Variants in SPAG17 observed in about 807,000 individuals in gnomAD.
SPAG17 encodes sperm associated antigen 17, also known as sperm-associated antigen 17.
In SPAG17, 169 loss-of-function variants were observed where a neutral mutation model predicts 273.6. That is an observed-to-expected ratio of 0.62 (90% CI 0.55 to 0.70). The LOEUF (loss-of-function observed/expected upper bound fraction) is 0.70. SPAG17 is among the 30% of genes least tolerant of loss of function. The pLI is 0.00. For synonymous variants in SPAG17, 825 were observed against 873.2 expected (o/e 0.94, Z 0.97); for missense variants, 2,557 against 2,627.8 (o/e 0.97, Z 0.59).
intron 3 of SPAG17, among the ~76,000 whole-genome samples, chr1:118,134,054 G>A (rs1443210287): frequency 6.6e-6 from 1 of 152,212 alleles, no homozygotes; most frequent in African/African-American, 2.4e-5. Context: ...CTATCAGAAG[G>A]ACTGTAAATT....
chr1:118,151,133 A>G (rs1659353653), intron 2 of SPAG17, 96 bp downstream of exon 2: 1 of 1,101,164 alleles, frequency 9.1e-7, no homozygotes. Context: ...AATTTACAAA[A>G]CAGCCCAAGA....
chr1:118,032,233 G>A (rs530656460), intron 24 of SPAG17, among the ~76,000 whole-genome samples: 227 of 152,038 alleles, frequency 1.5e-3, no homozygotes, highest in African/African-American at 5.1e-3. Flanking sequence ...AGAAAATAAT[G>A]AAAAAAATGT....
In SPAG17 at chr1:118,115,300, C is replaced by T. The variant is rs948223764; in HGVS notation, c.447+10G>A. 14 of 1,611,576 alleles carry T rather than the reference C, an allele frequency of 8.7e-6. No homozygotes were observed. In the East Asian group the frequency reaches 1.3e-4, roughly 15 times the overall value. ...GCCCTCTTTAGAAAACCCACCAGAT[C>T]GTACAGTACCTTCTTTTCATTTTCC... On this transcript the variant is annotated intron_variant, in intron 4 of 48. Coordinates refer to ENST00000336338, the MANE Select transcript of SPAG17 (RefSeq NM_206996.4).
intron 32 of SPAG17, among the ~76,000 whole-genome samples, chr1:118,000,476 G>A (rs999015783): frequency 3.5e-4 from 53 of 152,184 alleles, no homozygotes; most frequent in Non-Finnish European, 5.9e-4. Flanking sequence ...TCTTCCATTT[G>A]TTTATGTCCT....
rs759544786 is a variant in SPAG17 at position 117,988,121 on chromosome 1, A to C, written c.5605T>G (p.Phe1869Val). 8.7e-6 allele frequency: 14 copies of C among 1,605,736 alleles called. No homozygotes were observed. Among genetic ancestry groups the C allele is most frequent in the Non-Finnish European group, 1.1e-5 (13 of 1,177,264 alleles). ...CPPDTFGKDFFEKTWRHTASS... is the reference protein window; with the variant it reads ...CPPDTFGKDFVEKTWRHTASS... ...TTAGCTTACCTCCATGTCTTTTCAA[A>C]GAAATCTTTACCAAATGTGTCTGGT... The change falls in exon 39 of 49, where the codon TTT (phenylalanine) becomes GTT (valine). Residue 1869 changes from phenylalanine (F) to valine (V), a missense_variant. By Grantham distance (50) the Phe-to-Val change is conservative. Transcript: ENST00000336338.
intron 1 of SPAG17, among the ~76,000 whole-genome samples, chr1:118,153,461 A>G (rs941843079): frequency 6.6e-6 from 1 of 152,250 alleles, no homozygotes; most frequent in Non-Finnish European, 1.5e-5. Context: ...TCTTTCCATA[A>G]TCCTTAAATT....
intron 16 of SPAG17, 40 bp downstream of exon 16, chr1:118,074,499 T>A: frequency 6.5e-7 from 1 of 1,530,766 alleles, no homozygotes; most frequent in Non-Finnish European, 9.1e-7. Context: ...TTTTCTCAGA[T>A]CATCTTGTCA....
chr1:118,045,033 T>A (rs1290997280), intron 20 of SPAG17, among the ~76,000 whole-genome samples: 1 of 152,202 alleles, frequency 6.6e-6, no homozygotes, highest in Non-Finnish European at 1.5e-5. Flanking sequence ...AAATGAAAAC[T>A]ATGTTTAATG....
chr1:118,021,939 C>G (rs1352307287), intron 28 of SPAG17, among the ~76,000 whole-genome samples: 5 of 152,044 alleles, frequency 3.3e-5, no homozygotes, highest in Admixed American at 6.6e-5. Flanking sequence ...TGCTACTACT[C>G]AAGGAAAATC....
In SPAG17 at chr1:118,025,386, C is replaced by T. The variant is rs1369550662; in HGVS notation, c.3761G>A (p.Trp1254Ter). The change falls in exon 27 of 49, where the codon TGG (tryptophan) becomes TAG (stop). Residue 1254 changes from tryptophan (W) to a stop codon, truncating the protein, a stop_gained. Transcript: ENST00000336338. LOFTEE classifies it high-confidence loss of function. The stretch of plus-strand genomic sequence containing the variant: ...GTAGCTCTGACGGACCATGATGTCC[C>T]AGGTGGGTTCCTCATCTATAACATA... ...GQYVIDEEPT[W>*]DIMVRQSYPQ... 6.3e-7 allele frequency: 1 copy of T among 1,598,746 alleles called. No individual in the cohort carries two copies. The highest frequency in any genetic ancestry group is 1.1e-5 in the South Asian group (1 of 88,914).
intron 28 of SPAG17, among the ~76,000 whole-genome samples, chr1:118,020,747 A>G (rs982079545): frequency 1.3e-5 from 2 of 152,188 alleles, no homozygotes; most frequent in Non-Finnish European, 2.9e-5. Flanking sequence ...GGGTTGGCAA[A>G]TTGTGGACTA....
At chr1:118,160,607 T>C (rs976153755) in intron 1 of SPAG17, among the ~76,000 whole-genome samples, 1 of 152,204 alleles carries the variant, frequency 6.6e-6, no homozygotes, top group Admixed American at 6.5e-5. Context: ...TCTACATCCA[T>C]CTTGAGTGGG....
chr1:118,142,395 G>T (rs1426223102), intron 3 of SPAG17, among the ~76,000 whole-genome samples: 1 of 152,004 alleles, frequency 6.6e-6, no homozygotes, highest in Non-Finnish European at 1.5e-5. Context: ...TGTGAACGTT[G>T]GTTGCACAAC....
chr1:118,107,138 G>T (rs962242975), intron 4 of SPAG17, among the ~76,000 whole-genome samples: 2 of 152,160 alleles, frequency 1.3e-5, no homozygotes, highest in African/African-American at 4.8e-5. Context: ...TACAGAGTTT[G>T]TCCGAAGACA....
intron 13 of SPAG17, among the ~76,000 whole-genome samples, chr1:118,083,600 C>A (rs1195436679): frequency 3.3e-5 from 5 of 152,076 alleles, no homozygotes; most frequent in African/African-American, 1.2e-4. Flanking sequence ...GCCTGACCAA[C>A]ATGGTGAAAG....
chr1:118,157,143 C>CT (rs1659692622), intron 1 of SPAG17, among the ~76,000 whole-genome samples: 2 of 152,288 alleles, frequency 1.3e-5, no homozygotes, highest in South Asian at 4.1e-4. Flanking sequence ...GAGATGTTCA[C>CT]TTGGAGAAGG....
intron 1 of SPAG17, among the ~76,000 whole-genome samples, chr1:118,177,347 G>T (rs998622790): frequency 6.6e-6 from 1 of 152,060 alleles, no homozygotes; most frequent in Non-Finnish European, 1.5e-5. Flanking sequence ...AAAACCATAA[G>T]ATCTTGCGAG....
At chr1:118,162,315 T>C (rs1057155801) in intron 1 of SPAG17, among the ~76,000 whole-genome samples, 2 of 152,210 alleles carry the variant, frequency 1.3e-5, no homozygotes, top group African/African-American at 4.8e-5. Flanking sequence ...ACCTGATTGT[T>C]AGTCCTGATT....
chr1:118,141,039 A>C (rs1180011301), intron 3 of SPAG17, among the ~76,000 whole-genome samples: 1 of 152,080 alleles, frequency 6.6e-6, no homozygotes, highest in Non-Finnish European at 1.5e-5. Flanking sequence ...ATTCATCTCC[A>C]AACACTCAGC....
Sources: gnomAD v4.1 joint callset for allele counts (sites outside exome capture counted in the v4.1 genomes callset) on GRCh38, gnomAD v4.1.1 for gene constraint, MANE v1.5 for transcripts, NCBI Gene and HGNC (gene_info 2026-07-23, HGNC 2026-07-21) for gene names.